CTNND2: variants seen among roughly 807,000 people sequenced by gnomAD.
The protein encoded by CTNND2 is catenin delta-2.
A neutral mutation model predicts 144.4 loss-of-function variants in CTNND2; 22 were observed. That is an observed-to-expected ratio of 0.15 (90% CI 0.11 to 0.22). CTNND2 has a LOEUF of 0.22. Among genes scored for constraint, CTNND2 ranks in the 10% least tolerant of loss-of-function variants. The probability of loss-of-function intolerance (pLI) is 1.00; values close to 1 mark genes in which losing one functional copy is unlikely to be tolerated. For missense variants in CTNND2, 1,353 were observed against 1,618.8 expected (o/e 0.84, Z 2.82); for synonymous variants, 751 against 695.6 (o/e 1.08, Z -1.25).
chr5:11,571,419 T>G (rs1777541449), intron 2 of CTNND2, among the ~76,000 whole-genome samples: 1 of 152,164 alleles, frequency 6.6e-6, no homozygotes, highest in African/African-American at 2.4e-5. Context: ...CTGCTCTTTT[T>G]CCGCAAAGCT....
intron 16 of CTNND2, among the ~76,000 whole-genome samples, chr5:11,072,506 C>T (rs1748441031): frequency 6.6e-6 from 1 of 152,108 alleles, no homozygotes; most frequent in Admixed American, 6.6e-5. Flanking sequence ...CCAAGTTTCC[C>T]AAATGGACAG....
intron 2 of CTNND2, among the ~76,000 whole-genome samples, chr5:11,591,639 T>C (rs1779247290): frequency 1.3e-5 from 2 of 152,186 alleles, no homozygotes; most frequent in South Asian, 4.1e-4. Flanking sequence ...ATTTCATTTT[T>C]GCTCATAATT....
At chr5:11,002,564 T>C (rs1003719106) in intron 18 of CTNND2, among the ~76,000 whole-genome samples, 6 of 152,156 alleles carry the variant, frequency 3.9e-5, no homozygotes, top group Admixed American at 2.0e-4. Flanking sequence ...CAAATGAAGG[T>C]TGAGTGGATT....
At chr5:11,027,491 G>A (rs887544365) in intron 16 of CTNND2, among the ~76,000 whole-genome samples, 1 of 151,916 alleles carries the variant, frequency 6.6e-6, no homozygotes, top group Non-Finnish European at 1.5e-5. Context: ...TCTGATTTTT[G>A]CAATACTGGT....
chr5:11,810,048 G>T (rs7702477), intron 1 of CTNND2, among the ~76,000 whole-genome samples: 146,664 of 152,268 alleles, frequency 0.96, 70,872 homozygotes, highest in East Asian at 1. Context: ...CCATGTCCCC[G>T]GACAAATCTG....
Position 11,904,014 on chromosome 5 carries a change from G to C in CTNND2, c.-161C>G. 3.9e-6 allele frequency: 3 copies of C among 760,828 alleles called. No individual in the cohort carries two copies. Among genetic ancestry groups the C allele is most frequent in the Non-Finnish European group, 5.3e-6 (3 of 570,784 alleles). 47.1% of individuals were successfully genotyped at this position (760,828 alleles called of 1,614,324 possible). ...GGATGCTGGCGGGCGGCAGGGGCGA[G>C]CGCCGCGGGCGAGAGGCGGCTCCCG... is the stretch of plus-strand genomic sequence containing the variant. On this transcript the variant is annotated 5_prime_UTR_variant, in exon 1 of 22. Coordinates refer to ENST00000304623, the MANE Select transcript of CTNND2 (RefSeq NM_001332.4). This position sits in a 1 kb window ranked among gnomAD's most constrained non-coding sequence, Gnocchi z 4.2.
At chr5:11,823,149 G>A (rs183425527) in intron 1 of CTNND2, among the ~76,000 whole-genome samples, 5 of 152,162 alleles carry the variant, frequency 3.3e-5, no homozygotes, top group Admixed American at 3.3e-4. Flanking sequence ...CAACAATAAT[G>A]AGAATTATAT....
intron 9 of CTNND2, among the ~76,000 whole-genome samples, chr5:11,250,491 C>CTCTCTCTATATATATATATATATATATA (rs869141186): frequency 3.1e-5 from 2 of 64,116 alleles, no homozygotes; most frequent in Non-Finnish European, 2.5e-5. Context: ...CTCTCTCTCT[C>CTCTCTCTATATATATATATATATATATA]TATATATATA....
chr5:11,882,744 G>C (rs1327290896), intron 1 of CTNND2, among the ~76,000 whole-genome samples: 1 of 152,072 alleles, frequency 6.6e-6, no homozygotes, highest in Non-Finnish European at 1.5e-5. Context: ...GTAGTGTGAT[G>C]CCTCCAGCTC....
chr5:11,376,650 C>T (rs55951153), intron 7 of CTNND2, among the ~76,000 whole-genome samples: 2,593 of 152,234 alleles, frequency 0.017, 62 homozygotes, highest in African/African-American at 0.06. Flanking sequence ...TCACTCCATA[C>T]GCTTGTACTA....
At chr5:11,103,932 A>G (rs1292671358) in intron 14 of CTNND2, among the ~76,000 whole-genome samples, 1 of 152,200 alleles carries the variant, frequency 6.6e-6, no homozygotes, top group African/African-American at 2.4e-5. Flanking sequence ...GACACCAACA[A>G]GGAGCAGTCA....
At chr5:11,020,231 G>A (rs931706665) in intron 17 of CTNND2, among the ~76,000 whole-genome samples, 5 of 151,094 alleles carry the variant, frequency 3.3e-5, no homozygotes, top group African/African-American at 9.7e-5. Flanking sequence ...ATTTAAGCTT[G>A]TATATATATA....
At position 11,081,869 on chromosome 5, in the gene CTNND2, C is replaced by T. The variant is rs368815271; in HGVS notation, c.2788+827G>A. ...GATTGCTAATGGGAACAGTGTTTGC[C>T]TTTGGGGTGATGAAAATGTTTTAAA... On this transcript the variant is annotated intron_variant, in intron 16 of 21. Transcript: ENST00000304623. Among the ~76,000 whole-genome samples the T allele has an allele frequency of 5.3e-5, 8 of 152,140 alleles. No individual in the cohort carries two copies. The East Asian group carries it at 1.5e-3, about 29-fold the overall frequency.
chr5:11,216,257 G>A (rs992257839), intron 10 of CTNND2, among the ~76,000 whole-genome samples: 8 of 152,170 alleles, frequency 5.3e-5, no homozygotes, highest in Non-Finnish European at 1.2e-4. Context: ...TCAATGTCCC[G>A]ATGCCTGAAA....
intron 12 of CTNND2, among the ~76,000 whole-genome samples, chr5:11,121,805 G>A (rs1169106380): frequency 6.6e-6 from 1 of 152,176 alleles, no homozygotes; most frequent in African/African-American, 2.4e-5. Context: ...AGATGGCCAG[G>A]ATACTGAAGA....
At chr5:11,590,181 A>C (rs413539) in intron 2 of CTNND2, among the ~76,000 whole-genome samples, 1 of 151,594 alleles carries the variant, frequency 6.6e-6, no homozygotes, top group Non-Finnish European at 1.5e-5. Context: ...GAGTAGCAGG[A>C]ACTACAGGCG....
At chr5:11,637,571 G>A (rs1265149990) in intron 2 of CTNND2, among the ~76,000 whole-genome samples, 3 of 152,028 alleles carry the variant, frequency 2.0e-5, no homozygotes, top group Non-Finnish European at 4.4e-5. Context: ...TCAGAACAAT[G>A]CCAGCGAAAA....
intron 16 of CTNND2, among the ~76,000 whole-genome samples, chr5:11,049,558 C>T (rs1412694467): frequency 6.6e-6 from 1 of 152,200 alleles, no homozygotes; most frequent in Non-Finnish European, 1.5e-5. Context: ...GATACCCTGG[C>T]AAGCCTGCGA....
chr5:11,601,572 G>T (rs1367356755), intron 2 of CTNND2, among the ~76,000 whole-genome samples: 1 of 151,750 alleles, frequency 6.6e-6, no homozygotes, highest in East Asian at 1.9e-4. Context: ...ATATTTAATT[G>T]TTCACTTCTC....
Sources: allele counts gnomAD v4.1 joint callset (sites outside exome capture counted in the v4.1 genomes callset), GRCh38; gene constraint gnomAD v4.1.1; non-coding constraint Gnocchi (gnomAD v3.1); transcripts MANE v1.5; gene names NCBI Gene and HGNC (gene_info 2026-07-23, HGNC 2026-07-21).